WWOX: variants seen among roughly 807,000 people sequenced by gnomAD.
WWOX encodes WW domain containing oxidoreductase, also known as WW domain-containing oxidoreductase.
WWOX carries 69 observed loss-of-function variants against 46.2 expected under a neutral mutation model. The ratio of observed to expected loss-of-function variants is 1.49; its 90% CI spans 1.23 to 1.82. The LOEUF (loss-of-function observed/expected upper bound fraction) is 1.82, where lower values mean the gene tolerates loss of function less well. Ranked by LOEUF, WWOX falls within the 40% of genes most tolerant of loss-of-function variation. The pLI, the probability that WWOX is intolerant of heterozygous loss-of-function variation, is 0.00. For synonymous variants in WWOX, 359 were observed against 202.6 expected (o/e 1.77, Z -6.56); for missense variants, 919 against 542.6 (o/e 1.69, Z -6.89).
intron 8 of WWOX, among the ~76,000 whole-genome samples, chr16:78,798,313 G>GA (rs68153042): frequency 3.3e-5 from 5 of 149,480 alleles, no homozygotes; most frequent in Admixed American, 1.3e-4. Flanking sequence ...TCAAGAGAGA[G>GA]AAAAAAAAAG....
chr16:78,866,714 G>T (rs2044011883), intron 8 of WWOX, among the ~76,000 whole-genome samples: 1 of 152,200 alleles, frequency 6.6e-6, no homozygotes, highest in Non-Finnish European at 1.5e-5. Context: ...CGCAAATCAA[G>T]GACATTGGCA....
chr16:78,712,647 G>C (rs1405866596), intron 8 of WWOX, among the ~76,000 whole-genome samples: 1 of 152,126 alleles, frequency 6.6e-6, no homozygotes, highest in Non-Finnish European at 1.5e-5. Context: ...TTTGAATATG[G>C]AGTAGCTAAT....
chr16:79,130,923 A>T (rs9646321), intron 8 of WWOX, among the ~76,000 whole-genome samples: 1 of 152,112 alleles, frequency 6.6e-6, no homozygotes, highest in Non-Finnish European at 1.5e-5. Flanking sequence ...CTGCATGCCA[A>T]CCGAAGAGAC....
At chr16:78,685,093 C>T (rs2047824168) in intron 8 of WWOX, among the ~76,000 whole-genome samples, 1 of 152,160 alleles carries the variant, frequency 6.6e-6, no homozygotes, top group African/African-American at 2.4e-5. Context: ...TCTTGCTTTT[C>T]AGTCTACTGG....
intron 8 of WWOX, among the ~76,000 whole-genome samples, chr16:78,676,290 A>G (rs1269942202): frequency 6.6e-6 from 1 of 152,006 alleles, no homozygotes; most frequent in Non-Finnish European, 1.5e-5. Flanking sequence ...ACCATCCTCT[A>G]AAGAAGCGAG....
chr16:78,996,866 T>G (rs1007321170), intron 8 of WWOX, among the ~76,000 whole-genome samples: 1 of 152,204 alleles, frequency 6.6e-6, no homozygotes, highest in Non-Finnish European at 1.5e-5. Context: ...ACATGTGCCA[T>G]AAATGCTGCA....
intron 8 of WWOX, among the ~76,000 whole-genome samples, chr16:79,086,116 C>T (rs1014184194): frequency 2.6e-5 from 4 of 151,748 alleles, no homozygotes; most frequent in Non-Finnish European, 4.4e-5. Context: ...AACAAACTAA[C>T]AGTCAATATT....
At chr16:78,360,987 A>AT (rs1306965435) in intron 5 of WWOX, among the ~76,000 whole-genome samples, 2 of 151,896 alleles carry the variant, frequency 1.3e-5, no homozygotes, top group Non-Finnish European at 2.9e-5. Context: ...TGCCTGGCTA[A>AT]TTTTTGCATT....
intron 8 of WWOX, among the ~76,000 whole-genome samples, chr16:78,779,810 C>G (rs1372572759): frequency 1.3e-5 from 2 of 152,132 alleles, no homozygotes; most frequent in Admixed American, 6.5e-5. Flanking sequence ...ATTCTGTACC[C>G]TCTCTGGCCC....
chr16:78,736,109 C>T (rs1355414676), intron 8 of WWOX, among the ~76,000 whole-genome samples: 2 of 152,128 alleles, frequency 1.3e-5, no homozygotes, highest in Non-Finnish European at 2.9e-5. Context: ...AAATGTGTGA[C>T]AGGTGAGGAA....
At chr16:78,835,524 C>T (rs2051954522) in intron 8 of WWOX, among the ~76,000 whole-genome samples, 1 of 152,204 alleles carries the variant, frequency 6.6e-6, no homozygotes, top group Non-Finnish European at 1.5e-5. Flanking sequence ...CGTAAAATCA[C>T]ACAATCAGCA....
chr16:78,132,801 G>A (rs1194683725), intron 4 of WWOX, among the ~76,000 whole-genome samples: 1 of 152,138 alleles, frequency 6.6e-6, no homozygotes, highest in African/African-American at 2.4e-5. Context: ...GCTGAGCTCT[G>A]CTAATGCTGG....
chr16:78,330,691 G>A (rs891230809), intron 5 of WWOX, among the ~76,000 whole-genome samples: 2 of 152,172 alleles, frequency 1.3e-5, no homozygotes, highest in East Asian at 3.9e-4. Context: ...CACCGTGCCC[G>A]GCAGGGAGTA....
chr16:78,334,703 A>C (rs62034403), intron 5 of WWOX, among the ~76,000 whole-genome samples: 30,324 of 151,812 alleles, frequency 0.2, 3,610 homozygotes, highest in East Asian at 0.45. Context: ...ATTGTTTTTA[A>C]ATAGCTAACT....
intron 8 of WWOX, among the ~76,000 whole-genome samples, chr16:78,806,657 A>G (rs551494920): frequency 3.9e-5 from 6 of 152,240 alleles, no homozygotes; most frequent in African/African-American, 1.4e-4. Flanking sequence ...CCCAAGAGAA[A>G]GAACCAAGCA....
intron 8 of WWOX, among the ~76,000 whole-genome samples, chr16:78,786,840 A>C (rs1380523845): frequency 6.6e-6 from 1 of 152,242 alleles, no homozygotes; most frequent in African/African-American, 2.4e-5. Context: ...GGTAAGATTT[A>C]CATAATGTAA....
intron 8 of WWOX, among the ~76,000 whole-genome samples, chr16:78,531,112 A>G (rs996056562): frequency 1.3e-5 from 2 of 151,990 alleles, no homozygotes; most frequent in African/African-American, 4.8e-5. Context: ...GCATTTCATG[A>G]GTCTTGGCAT....
At chr16:78,603,732 C>G (rs1489550037) in intron 8 of WWOX, among the ~76,000 whole-genome samples, 1 of 151,960 alleles carries the variant, frequency 6.6e-6, no homozygotes, top group African/African-American at 2.4e-5. Context: ...AAAAATATGT[C>G]CTGTAATGAA....
chr16:79,087,857 T>C (rs960135865), intron 8 of WWOX, among the ~76,000 whole-genome samples: 1 of 152,148 alleles, frequency 6.6e-6, no homozygotes, highest in Non-Finnish European at 1.5e-5. Flanking sequence ...CAGGAAATGC[T>C]GAAAGTTCAG....
Sources: gnomAD v4.1 joint callset for allele counts (sites outside exome capture counted in the v4.1 genomes callset) on GRCh38, gnomAD v4.1.1 for gene constraint, MANE v1.5 for transcripts, NCBI Gene and HGNC (gene_info 2026-07-23, HGNC 2026-07-21) for gene names.